The following WDR53 variants were observed in gnomAD, a reference collection of about 807,000 sequenced individuals.
WDR53 encodes WD repeat-containing protein 53.
A neutral mutation model predicts 21.3 loss-of-function variants in WDR53; 19 were observed. The observed-to-expected ratio is 0.89, with a 90% CI of 0.62 to 1.31. The LOEUF (loss-of-function observed/expected upper bound fraction) is 1.31, where lower values mean the gene tolerates loss of function less well. Among genes scored for constraint, WDR53 ranks in the 50% most tolerant of loss-of-function variants. WDR53 has a pLI of 0.00. For missense variants in WDR53, 374 were observed against 423.2 expected, an observed-to-expected ratio of 0.88 and a Z score of 1.02; for synonymous variants, 157 against 163.4, an observed-to-expected ratio of 0.96 and a Z score of 0.30.
chr3:196,563,931 T>C (rs1451045973), intron 2 of WDR53, among the ~76,000 whole-genome samples: 7 of 152,210 alleles, frequency 4.6e-5, no homozygotes, highest in Non-Finnish European at 1.0e-4. Context: ...ATCACTGATC[T>C]ATTAGTAATC....
intron 3 of WDR53, among the ~76,000 whole-genome samples, chr3:196,559,872 GTTTC>G (rs34067981): frequency 0.013 from 1,953 of 152,154 alleles, 13 homozygotes; most frequent in African/African-American, 0.029. Context: ...GTGAATTTCA[GTTTC>G]TTTATTTATT....
chr3:196,566,794 G>A (rs936559972), intron 2 of WDR53, 83 bp downstream of exon 2: 2 of 162,528 alleles, frequency 1.2e-5, no homozygotes, highest in African/African-American at 4.8e-5. Flanking sequence ...ACTGAACATG[G>A]GGAAGGGGCT....
intron 2 of WDR53, among the ~76,000 whole-genome samples, chr3:196,565,696 A>G (rs1456255713): frequency 6.6e-6 from 1 of 152,222 alleles, no homozygotes; most frequent in Non-Finnish European, 1.5e-5. Context: ...TTGTTTACTT[A>G]GTCTATAAAA....
At chr3:196,562,229 G>T (rs1410454714) in intron 2 of WDR53, among the ~76,000 whole-genome samples, 1 of 152,056 alleles carries the variant, frequency 6.6e-6, no homozygotes, top group African/African-American at 2.4e-5. Context: ...TGAAAATGGG[G>T]GTGAGACCAA....
chr3:196,556,934 C>A (rs1049174584), intron 3 of WDR53, among the ~76,000 whole-genome samples: 1 of 152,168 alleles, frequency 6.6e-6, no homozygotes, highest in Admixed American at 6.5e-5. Context: ...ATTGAGGATT[C>A]CAGACTGTTC....
Position 196,567,094 on chromosome 3 carries a change from A to C in WDR53, c.-234T>G. ...GTCCCGTTCAAGAGTCTGTGCCTCT[A>C]AGGCTGTTCATTCTGTCTAGTTCAT... On this transcript the variant is annotated 5_prime_UTR_variant, in exon 2 of 4. Coordinates refer to ENST00000332629, the MANE Select transcript of WDR53 (RefSeq NM_182627.3). 2.2e-6 allele frequency: 1 copy of C among 455,718 alleles called. No homozygotes were observed. The highest frequency in any genetic ancestry group is 2.4e-5 in the Admixed American group (1 of 42,492). The allele number at this position is 455,718 out of a possible 1,614,324, so 28.2% of individuals were successfully genotyped here.
chr3:196,556,823 G>C (rs1231096629), intron 3 of WDR53, among the ~76,000 whole-genome samples: 1 of 152,062 alleles, frequency 6.6e-6, no homozygotes, highest in Admixed American at 6.6e-5. Flanking sequence ...ACTGCACCCA[G>C]AGTGTTTCAG....
intron 2 of WDR53, among the ~76,000 whole-genome samples, chr3:196,566,291 T>C (rs1219472981): frequency 6.6e-6 from 1 of 151,964 alleles, no homozygotes; most frequent in Non-Finnish European, 1.5e-5. Flanking sequence ...GATTTCACCA[T>C]GTTGCCCAAG....
intron 3 of WDR53, among the ~76,000 whole-genome samples, chr3:196,557,726 G>GA (rs1204814675): frequency 6.6e-6 from 1 of 150,684 alleles, no homozygotes; most frequent in Non-Finnish European, 1.5e-5. Flanking sequence ...AGTCTTTCAA[G>GA]AAAAAAACTA....
chr3:196,563,798 C>A (rs1304630603), intron 2 of WDR53, among the ~76,000 whole-genome samples: 2 of 152,192 alleles, frequency 1.3e-5, no homozygotes, highest in African/African-American at 4.8e-5. Flanking sequence ...TCTTGAACTT[C>A]TGACCTTACA....
chr3:196,560,787 G>A (rs1258794318), intron 3 of WDR53, among the ~76,000 whole-genome samples: 1 of 152,128 alleles, frequency 6.6e-6, no homozygotes, highest in Non-Finnish European at 1.5e-5. Flanking sequence ...ATAGAGAAAG[G>A]AAAAGTAAAG....
intron 3 of WDR53, among the ~76,000 whole-genome samples, chr3:196,557,319 C>T (rs1373884816): frequency 6.6e-6 from 1 of 152,192 alleles, no homozygotes; most frequent in Non-Finnish European, 1.5e-5. Flanking sequence ...CATGGCAGGA[C>T]TGCTTGAGCC....
intron 2 of WDR53, among the ~76,000 whole-genome samples, chr3:196,565,301 G>C (rs972357550): frequency 1.3e-5 from 2 of 151,696 alleles, no homozygotes; most frequent in African/African-American, 4.8e-5. Flanking sequence ...GAGGCTGGGC[G>C]TGGTGGCTCA....
Position 196,554,774 on chromosome 3 carries a change from G to C in WDR53, c.514C>G (p.Leu172Val). Residue 172 changes from leucine (L) to valine (V), a missense_variant, in exon 4 of 4, where the codon CTC becomes GTC. Coordinates refer to ENST00000332629, the MANE Select transcript of WDR53 (RefSeq NM_182627.3). ...MLWSLQKARP[L>V]WITNLQEDET... is the part of the protein sequence containing the mutation. The stretch of plus-strand genomic sequence containing the variant: ...TCCTCCTGTAAATTTGTAATCCAGA[G>C]TGGTCGGGCTTTTTGAAGACTCCAC... 1 of 1,614,066 alleles carries C rather than the reference G, an allele frequency of 6.2e-7. No homozygotes were observed. The highest frequency in any genetic ancestry group is 8.5e-7 in the Non-Finnish European group (1 of 1,180,020).
intron 1 of WDR53, among the ~76,000 whole-genome samples, chr3:196,567,881 G>A (rs538562292): frequency 6.6e-6 from 1 of 151,956 alleles, no homozygotes; most frequent in East Asian, 1.9e-4. Context: ...CTCCCAAGTA[G>A]CTGGGACCAG....
chr3:196,561,338 C>T lies in WDR53; in HGVS notation c.138G>A (p.Thr46=), dbSNP rs749815051. ...WGEDGTPLGH[T]RFQGADDVTS... ...TAACATCATCAGCCCCTTGGAACCG[C>T]GTGTGTCCTAATGGAGTTCCATCTT... The change falls in exon 3 of 4, where the codon ACG becomes ACA. Residue 46 remains threonine, a synonymous_variant. Transcript: ENST00000332629. The T allele has an allele frequency of 8.7e-6, 14 of 1,613,984 alleles. No homozygotes were observed. Among genetic ancestry groups the T allele is most frequent in the Non-Finnish European group, 1.1e-5 (13 of 1,180,030 alleles).
chr3:196,555,205 T>G (rs954432088), intron 3 of WDR53, among the ~76,000 whole-genome samples: 2 of 152,240 alleles, frequency 1.3e-5, no homozygotes, highest in African/African-American at 4.8e-5. Flanking sequence ...AAACTCGATC[T>G]GGACTATCAT....
chr3:196,555,160 TGC>T (rs1200296249), intron 3 of WDR53, among the ~76,000 whole-genome samples: 1 of 152,240 alleles, frequency 6.6e-6, no homozygotes, highest in African/African-American at 2.4e-5. Context: ...TTTTAGTCTA[TGC>T]TGGTTATAGG....
chr3:196,554,876 C>T, intron 3 of WDR53, 69 bp from the exon 4 acceptor site: 2 of 1,295,038 alleles, frequency 1.5e-6, no homozygotes, highest in Non-Finnish European at 2.2e-6. Flanking sequence ...CATGCTTATT[C>T]AGCTTCTAAT....
Sources: allele counts gnomAD v4.1 joint callset (sites outside exome capture counted in the v4.1 genomes callset), GRCh38; gene constraint gnomAD v4.1.1; transcripts MANE v1.5; gene names NCBI Gene and HGNC (gene_info 2026-07-23, HGNC 2026-07-21).